SPTBN1: variants seen among roughly 807,000 people sequenced by gnomAD.
The protein encoded by SPTBN1 is spectrin beta chain, non-erythrocytic 1.
In SPTBN1, 32 loss-of-function variants were observed where a neutral mutation model predicts 266.4. The ratio of observed to expected loss-of-function variants is 0.12; its 90% confidence interval spans 0.09 to 0.16. The LOEUF (loss-of-function observed/expected upper bound fraction) is 0.16, where lower values mean the gene tolerates loss of function less well. Ranked by LOEUF, SPTBN1 falls within the 10% of genes least tolerant of loss-of-function variation. The probability of loss-of-function intolerance (pLI) is 1.00; values close to 1 mark genes in which losing one functional copy is unlikely to be tolerated. For missense variants in SPTBN1, 2,296 were observed against 3,067.1 expected, an observed-to-expected ratio of 0.75 and a Z score of 5.94; for synonymous variants, 1,336 against 1,162.2, an observed-to-expected ratio of 1.15 and a Z score of -3.04.
intron 2 of SPTBN1, among the ~76,000 whole-genome samples, chr2:54,561,689 ATAT>A (rs925084943): frequency 6.7e-5 from 9 of 134,896 alleles, no homozygotes; most frequent in South Asian, 2.2e-4. Flanking sequence ...ATTTATAGAG[ATAT>A]TATAAATTTA....
chr2:54,575,019 G>A (rs939820061), intron 2 of SPTBN1, among the ~76,000 whole-genome samples: 3 of 152,224 alleles, frequency 2.0e-5, no homozygotes, highest in African/African-American at 7.2e-5. Flanking sequence ...GAAAATGGGT[G>A]ATGGTGAACT....
intron 3 of SPTBN1, among the ~76,000 whole-genome samples, chr2:54,608,194 C>G (rs1394205445): frequency 6.6e-6 from 1 of 152,182 alleles, no homozygotes; most frequent in Non-Finnish European, 1.5e-5. Context: ...GACCAAAAAC[C>G]CCTGAGAATA....
intron 26 of SPTBN1, among the ~76,000 whole-genome samples, chr2:54,650,979 T>C (rs1680241609): frequency 6.6e-6 from 1 of 152,238 alleles, no homozygotes; most frequent in Non-Finnish European, 1.5e-5. Flanking sequence ...TCTTAATTCC[T>C]GTCACTATGA....
chr2:54,595,752 G>A (rs1292283458), intron 2 of SPTBN1, among the ~76,000 whole-genome samples: 4 of 152,142 alleles, frequency 2.6e-5, no homozygotes, highest in Non-Finnish European at 4.4e-5. Flanking sequence ...TCTCAACCTA[G>A]CACCGCTGAT....
intron 1 of SPTBN1, among the ~76,000 whole-genome samples, chr2:54,491,085 G>C (rs1668661867): frequency 6.6e-6 from 1 of 152,174 alleles, no homozygotes; most frequent in East Asian, 1.9e-4. Context: ...AAAATTCAGA[G>C]CAGGGAAACC....
chr2:54,656,915 C>T (rs772651769), intron 29 of SPTBN1, among the ~76,000 whole-genome samples: 15 of 152,190 alleles, frequency 9.9e-5, no homozygotes, highest in African/African-American at 2.2e-4. Flanking sequence ...ATGCACAGTC[C>T]CTGCCTTGAA....
At chr2:54,580,687 T>C (rs1273110902) in intron 2 of SPTBN1, among the ~76,000 whole-genome samples, 1 of 152,102 alleles carries the variant, frequency 6.6e-6, no homozygotes. Flanking sequence ...TAGTTAATTC[T>C]GAAAGGGTTA....
At position 54,649,828 on chromosome 2, in the gene SPTBN1, G is replaced by A; in HGVS notation, c.5416G>A (p.Glu1806Lys). ...TRTQILAASY[E>K]LHKFYHDAKE... Reference sequence around the variant, plus strand: ...AACACAGATTCTTGCCGCTTCCTATGAACTGCACAAGTTTTACCACGATGC... The same window carrying A: ...AACACAGATTCTTGCCGCTTCCTATAAACTGCACAAGTTTTACCACGATGC... Residue 1806 changes from glutamate (E) to lysine (K), a missense_variant, in exon 26 of 36, where the codon GAA becomes AAA. By Grantham distance (56) the Glu-to-Lys change is moderately conservative. Transcript: ENST00000356805. The surrounding 1 kb of genome is among the most constrained non-coding windows in gnomAD (Gnocchi z 6.7). The A allele has an allele frequency of 6.2e-7, 1 of 1,614,182 alleles. No individual in the cohort carries two copies. Among genetic ancestry groups the A allele is most frequent in the Non-Finnish European group, 8.5e-7 (1 of 1,180,036 alleles).
At chr2:54,484,561 A>G (rs1668256722) in intron 1 of SPTBN1, among the ~76,000 whole-genome samples, 1 of 152,228 alleles carries the variant, frequency 6.6e-6, no homozygotes, top group Non-Finnish European at 1.5e-5. Flanking sequence ...TGCTAAGAGG[A>G]ATAATAGGAA....
In SPTBN1 at chr2:54,574,473, C is replaced by T. The variant is rs965815214; in HGVS notation, c.149-24619C>T. Among the ~76,000 whole-genome samples the T allele has an allele frequency of 1.3e-5, 2 of 152,208 alleles. 1 individual carries two copies. Among genetic ancestry groups the T allele is most frequent in the South Asian group, 4.1e-4 (2 of 4,838 alleles). On this transcript the variant is annotated intron_variant, in intron 2 of 35. Coordinates refer to ENST00000356805, the MANE Select transcript of SPTBN1 (RefSeq NM_003128.3). ...GTTTCTTGAGTCTGTTTTGAAACAA[C>T]TTCCTTAGCCCTAGCTGCGCAGAAA...
chr2:54,585,204 G>T (rs1433375464), intron 2 of SPTBN1, among the ~76,000 whole-genome samples: 1 of 152,202 alleles, frequency 6.6e-6, no homozygotes, highest in East Asian at 1.9e-4. Flanking sequence ...ACCATACATT[G>T]TCTTGTATAA....
chr2:54,589,252 T>C (rs1461498721), intron 2 of SPTBN1, among the ~76,000 whole-genome samples: 2 of 152,216 alleles, frequency 1.3e-5, no homozygotes, highest in African/African-American at 2.4e-5. Context: ...TGGCTTCTTA[T>C]GGATTGTGAC....
intron 1 of SPTBN1, among the ~76,000 whole-genome samples, chr2:54,511,195 T>C (rs1669841205): frequency 6.6e-6 from 1 of 152,240 alleles, no homozygotes; most frequent in South Asian, 2.1e-4. Flanking sequence ...CTCATTTTTC[T>C]TGTATACTCA....
chr2:54,548,299 T>C (rs1672365465), intron 2 of SPTBN1, among the ~76,000 whole-genome samples: 1 of 152,168 alleles, frequency 6.6e-6, no homozygotes, highest in Non-Finnish European at 1.5e-5. Flanking sequence ...AACAACAAAG[T>C]TTGCTGAGGC....
At position 54,664,395 on chromosome 2, in the gene SPTBN1, T is replaced by A. The variant is rs1365009550; in HGVS notation, c.6421-58T>A. 1.3e-6 allele frequency: 2 copies of A among 1,537,086 alleles called. No homozygotes were observed. Among genetic ancestry groups the A allele is most frequent in the Non-Finnish European group, 1.8e-6 (2 of 1,121,216 alleles). On this transcript the variant is annotated intron_variant, in intron 32 of 35. Transcript: ENST00000356805. The surrounding 1 kb of genome is among the most constrained non-coding windows in gnomAD (Gnocchi z 5.6). ...CCACATGTGCGAGTCAGGTAGAGCG[T>A]ATGTGGTCACCCCCATGGCTCACGG...
Position 54,599,385 on chromosome 2 carries a change from C to T in SPTBN1, c.300+142C>T, listed in dbSNP as rs1676322897. ...ATCTTGAGAAGTGAGTTGAGCGCTT[C>T]AGGGAGAGCCTTAGTGTCACATTCT... On this transcript the variant is annotated intron_variant, in intron 3 of 35. Transcript: ENST00000356805. 4 of 950,614 alleles carry T rather than the reference C, an allele frequency of 4.2e-6. 1 individual carries two copies. In the South Asian group the frequency reaches 6.5e-5, roughly 16 times the overall value. The allele number at this position is 950,614 out of a possible 1,614,324, so 58.9% of individuals were successfully genotyped here. A position where few individuals can be genotyped will look rare whatever the true frequency, so the allele number is the denominator to read the frequency against.
chr2:54,607,176 T>TAG (rs1558421858), intron 3 of SPTBN1, among the ~76,000 whole-genome samples: 1 of 152,264 alleles, frequency 6.6e-6, no homozygotes, highest in Non-Finnish European at 1.5e-5. Flanking sequence ...TCTGCAGATT[T>TAG]AACTGACTGC....
In SPTBN1 at chr2:54,470,603, G is replaced by T. The variant is rs552473162; in HGVS notation, c.-48+14085G>T. On this transcript the variant is annotated intron_variant, in intron 1 of 35. Coordinates refer to ENST00000356805, the MANE Select transcript of SPTBN1 (RefSeq NM_003128.3). ...AAAAACATTCCATTTTGTTTCTGAA[G>T]AGGGCTTTTTTCGTTTTTGCCAAAT... Among the ~76,000 whole-genome samples, 27 of 152,320 alleles carry T rather than the reference G, an allele frequency of 1.8e-4. No individual in the cohort carries two copies. In the South Asian group the frequency reaches 5.6e-3, roughly 32 times the overall value.
chr2:54,572,747 TAA>T lies in SPTBN1; in HGVS notation c.149-26342_149-26341del, dbSNP rs1340326191. 3.3e-5 allele frequency among the ~76,000 whole-genome samples: 5 copies of T among 152,236 alleles called. No individual in the cohort carries two copies. In the East Asian group the frequency reaches 7.7e-4, roughly 23 times the overall value. ...ACTTGAAACACAAGGAAGCAATTTT[TAA>T]AAGTCATACTCGTTCAGCAGTGGGC... On this transcript the variant is annotated intron_variant, in intron 2 of 35. Transcript: ENST00000356805.
Sources: gnomAD v4.1 joint callset for allele counts (sites outside exome capture counted in the v4.1 genomes callset) on GRCh38, gnomAD v4.1.1 for gene constraint, Gnocchi (gnomAD v3.1) non-coding constraint, MANE v1.5 for transcripts, NCBI Gene and HGNC (gene_info 2026-07-23, HGNC 2026-07-21) for gene names.